The following SUMF1 variants were observed in gnomAD, a reference collection of about 807,000 sequenced individuals.
SUMF1 encodes the protein formylglycine-generating enzyme.
A neutral mutation model predicts 47.6 loss-of-function variants in SUMF1; 48 were observed. That is an observed-to-expected ratio of 1.01 (90% CI 0.80 to 1.28). SUMF1 has a LOEUF of 1.28. Ranked by LOEUF, SUMF1 falls within the 50% of genes most tolerant of loss-of-function variation. The probability of loss-of-function intolerance (pLI) is 0.00; values close to 1 mark genes in which losing one functional copy is unlikely to be tolerated. For missense variants in SUMF1, 571 were observed against 485.4 expected, an observed-to-expected ratio of 1.18 and a Z score of -1.66; for synonymous variants, 230 against 192.1, an observed-to-expected ratio of 1.20 and a Z score of -1.63.
intron 8 of SUMF1, among the ~76,000 whole-genome samples, chr3:4,354,049 C>G (rs1387773588): frequency 6.6e-6 from 1 of 152,000 alleles, no homozygotes; most frequent in Non-Finnish European, 1.5e-5. Context: ...GAGATGGGGT[C>G]TCACTATGTT....
intron 8 of SUMF1, among the ~76,000 whole-genome samples, chr3:4,353,270 T>C (rs1352461144): frequency 6.6e-6 from 1 of 152,208 alleles, no homozygotes; most frequent in Non-Finnish European, 1.5e-5. Context: ...GGAATTTTTT[T>C]GAGACGGAAT....
intron 8 of SUMF1, among the ~76,000 whole-genome samples, chr3:4,128,400 G>C (rs1693707843): frequency 6.6e-6 from 1 of 152,160 alleles, no homozygotes; most frequent in African/African-American, 2.4e-5. Flanking sequence ...CTTGCCAGAA[G>C]AAACAGCTTC....
intron 8 of SUMF1, among the ~76,000 whole-genome samples, chr3:4,246,969 G>T (rs1300433967): frequency 1.3e-5 from 2 of 152,178 alleles, no homozygotes; most frequent in Admixed American, 6.5e-5. Flanking sequence ...GCTCATGAGT[G>T]CCTAGAAACT....
chr3:4,067,390 C>A (rs916198318), intron 9 of SUMF1, among the ~76,000 whole-genome samples: 4 of 152,180 alleles, frequency 2.6e-5, no homozygotes, highest in African/African-American at 4.8e-5. Flanking sequence ...GCCTTCCCAC[C>A]ATCTTCATAA....
intron 8 of SUMF1, among the ~76,000 whole-genome samples, chr3:4,104,479 C>T (rs947671795): frequency 1.3e-5 from 2 of 152,070 alleles, no homozygotes; most frequent in Admixed American, 1.3e-4. Flanking sequence ...ATCTGTGGAG[C>T]CTGCAGCAGT....
chr3:4,173,870 G>A (rs149487039), intron 8 of SUMF1, among the ~76,000 whole-genome samples: 21 of 152,198 alleles, frequency 1.4e-4, no homozygotes, highest in African/African-American at 4.3e-4. Flanking sequence ...CACACACGAG[G>A]GCCTGTCGGA....
Position 4,256,775 on chromosome 3 carries a change from T to C in SUMF1, c.1014+119555A>G, listed in dbSNP as rs1185981677. Among the ~76,000 whole-genome samples, 8 of 151,874 alleles carry C rather than the reference T, an allele frequency of 5.3e-5. No individual in the cohort carries two copies. In the South Asian group the frequency reaches 1.7e-3, roughly 32 times the overall value. ...ACTCATTTGATGAGGCCAGCATCAT[T>C]CTGATACCAAAGCCGGGCAGAGACA... On this transcript the variant is annotated intron_variant and NMD_transcript_variant, in intron 8 of 12. Coordinates refer to the SUMF1 transcript ENST00000448413.
In SUMF1 at chr3:4,088,108, G is replaced by A. The variant is rs138962993; in HGVS notation, c.1015-19363C>T. ...AGATGTATACTTTGACTCCTACTGA[G>A]AAGATGGGGATCCAGGTAGCCTCTG... On this transcript the variant is annotated intron_variant and NMD_transcript_variant, in intron 8 of 12. Transcript: ENST00000448413. Among the ~76,000 whole-genome samples, 344 of 152,254 alleles carry A rather than the reference G, an allele frequency of 2.3e-3. 3 individuals carry two copies. The highest frequency in any genetic ancestry group is 3.4e-3 in the Middle Eastern group (1 of 294).
chr3:4,179,692 T>C (rs1018137590), intron 8 of SUMF1, among the ~76,000 whole-genome samples: 2 of 151,830 alleles, frequency 1.3e-5, no homozygotes, highest in Non-Finnish European at 2.9e-5. Flanking sequence ...AATTGACAAA[T>C]GGGATCTAAT....
intron 8 of SUMF1, among the ~76,000 whole-genome samples, chr3:4,191,324 C>G (rs1025370052): frequency 3.3e-5 from 5 of 152,098 alleles, no homozygotes; most frequent in Admixed American, 3.3e-4. Flanking sequence ...CACTTTGGTG[C>G]AGCTTCGACA....
chr3:4,269,651 C>T (rs770186724), intron 8 of SUMF1, among the ~76,000 whole-genome samples: 5 of 152,040 alleles, frequency 3.3e-5, no homozygotes, highest in Non-Finnish European at 7.4e-5. Context: ...AGTTGTTATC[C>T]TGATAATCAA....
intron 8 of SUMF1, among the ~76,000 whole-genome samples, chr3:4,090,749 T>C (rs1692767576): frequency 6.6e-6 from 1 of 152,156 alleles, no homozygotes; most frequent in South Asian, 2.1e-4. Flanking sequence ...ACAACCACTG[T>C]CACTCACTGA....
chr3:4,412,533 A>G (rs1701576928), intron 6 of SUMF1, among the ~76,000 whole-genome samples: 2 of 152,228 alleles, frequency 1.3e-5, no homozygotes. Context: ...AAGGAAAAGA[A>G]GAAATTCAGT....
rs146270329 is a variant in SUMF1, at chr3:4,102,417, T to C, written c.1015-33672A>G. Reference sequence around the variant, plus strand: ...TAGACTAACCTTACTGCTGTGTATATCCCTGAAATCCCACAATAGCAGTAA... The same window carrying C: ...TAGACTAACCTTACTGCTGTGTATACCCCTGAAATCCCACAATAGCAGTAA... On this transcript the variant is annotated intron_variant and NMD_transcript_variant, in intron 8 of 12. Coordinates refer to the SUMF1 transcript ENST00000448413. Among the ~76,000 whole-genome samples, 467 of 152,226 alleles carry C rather than the reference T, an allele frequency of 3.1e-3. 15 individuals carry two copies. The highest frequency in any genetic ancestry group is 0.011 in the African/African-American group (443 of 41,500).
intron 8 of SUMF1, among the ~76,000 whole-genome samples, chr3:4,136,741 C>T (rs1281040550): frequency 6.7e-6 from 1 of 149,836 alleles, no homozygotes; most frequent in African/African-American, 2.5e-5. Context: ...GGGCTAATAT[C>T]CAGAATCTAC....
intron 8 of SUMF1, among the ~76,000 whole-genome samples, chr3:4,364,259 C>T (rs1219613674): frequency 3.4e-5 from 4 of 117,160 alleles, no homozygotes; most frequent in African/African-American, 1.1e-4. Context: ...AGGGAGGATT[C>T]CCTCTTTTTC....
At position 4,411,705 on chromosome 3, in the gene SUMF1, GAA is replaced by G. The variant is rs35731250; in HGVS notation, c.841-729_841-728del. Among the ~76,000 whole-genome samples, 340 of 114,222 alleles carry G rather than the reference GAA, an allele frequency of 3.0e-3. 2 individuals are homozygous for G. Among genetic ancestry groups the G allele is most frequent in the Middle Eastern group, 0.011 (2 of 184 alleles). The allele number at this position is 114,222 out of a possible 152,430, so 74.9% of individuals were successfully genotyped here. A position where few individuals can be genotyped will look rare whatever the true frequency, so the allele number is the denominator to read the frequency against. ...TTTATAAAAGGGGGGAGAGCAGGAG[GAA>G]AAAAAAAAAAAAAAAACTTTAACTG... On this transcript the variant is annotated intron_variant, in intron 6 of 8. Coordinates refer to ENST00000272902, the MANE Select transcript of SUMF1 (RefSeq NM_182760.4).
At chr3:4,418,586 T>C (rs1232947181) in intron 4 of SUMF1, among the ~76,000 whole-genome samples, 5 of 152,196 alleles carry the variant, frequency 3.3e-5, no homozygotes, top group Admixed American at 3.3e-4. Context: ...ATATACACCC[T>C]AGAGGCCCCT....
chr3:4,282,117 T>C (rs1433260650), intron 8 of SUMF1, among the ~76,000 whole-genome samples: 2 of 152,282 alleles, frequency 1.3e-5, no homozygotes, highest in African/African-American at 2.4e-5. Context: ...TTAAAGACTC[T>C]GTGTGGGTTG....
Sources: gnomAD v4.1 joint callset for allele counts (sites outside exome capture counted in the v4.1 genomes callset) on GRCh38, gnomAD v4.1.1 for gene constraint, MANE v1.5 for transcripts, NCBI Gene and HGNC (gene_info 2026-07-23, HGNC 2026-07-21) for gene names.